Variants in HSD17B12 observed in about 807,000 individuals in gnomAD.
HSD17B12 encodes the protein hydroxysteroid 17-beta dehydrogenase 12.
A neutral mutation model predicts 39.3 loss-of-function variants in HSD17B12; 32 were observed. That is an observed-to-expected ratio of 0.81 (90% CI 0.61 to 1.09). HSD17B12 has a LOEUF of 1.09. Among genes scored for constraint, HSD17B12 ranks in the 50% least tolerant of loss-of-function variants. HSD17B12 has a pLI of 0.00. For synonymous variants in HSD17B12, 150 were observed against 146.7 expected (o/e 1.02, Z -0.16); for missense variants, 342 against 382.9 (o/e 0.89, Z 0.89).
At position 43,718,716 on chromosome 11, in the gene HSD17B12, A is replaced by G. The variant is rs1045339482; in HGVS notation, c.161-32195A>G. The G allele has an allele frequency of 2.7e-5, 32 of 1,194,838 alleles. 1 individual carries two copies. The South Asian group carries it at 3.8e-4, about 14-fold the overall frequency. 74.0% of individuals were successfully genotyped at this position (1,194,838 alleles called of 1,614,324 possible). A position where few individuals can be genotyped will look rare whatever the true frequency, so the allele number is the denominator to read the frequency against. ...AAGAAGGAAGCTCCTGCCCCTCCTA[A>G]AGCTGAAGCCAAAGCAAAGGCTTTA... On this transcript the variant is annotated intron_variant, in intron 1 of 10. Transcript: ENST00000278353.
chr11:43,609,488 C>A, the HSD17B12 span, among the ~76,000 whole-genome samples: 4 of 151,872 alleles, frequency 2.6e-5, no homozygotes, highest in Admixed American at 2.6e-4. Flanking sequence ...ATCTCAGCCT[C>A]CCAAGTAACT....
chr11:43,669,629 A>C, the HSD17B12 span, among the ~76,000 whole-genome samples: 1 of 152,088 alleles, frequency 6.6e-6, no homozygotes, highest in African/African-American at 2.4e-5. Flanking sequence ...GCCTCTTCCT[A>C]ACTTCTGGTG....
chr11:43,633,584 GCA>G, the HSD17B12 span, among the ~76,000 whole-genome samples: 1 of 151,926 alleles, frequency 6.6e-6, no homozygotes, highest in African/African-American at 2.4e-5. Context: ...CAACAACATA[GCA>G]CACATTTTAA....
At chr11:43,677,810 T>C (rs936537648), upstream of HSD17B12, among the ~76,000 whole-genome samples, 1 of 152,240 alleles carries the variant, frequency 6.6e-6, no homozygotes, top group East Asian at 1.9e-4. Flanking sequence ...CCATGGTGTA[T>C]ATGTGCCACT....
the HSD17B12 span, among the ~76,000 whole-genome samples, chr11:43,622,607 A>T: frequency 3.9e-5 from 6 of 152,152 alleles, no homozygotes; most frequent in Admixed American, 3.9e-4. Flanking sequence ...TAAAGAAAAG[A>T]ACTACAACTA....
chr11:43,783,065 A>G (rs1028557145), intron 3 of HSD17B12, among the ~76,000 whole-genome samples: 18 of 152,338 alleles, frequency 1.2e-4, no homozygotes, highest in Middle Eastern at 3.4e-3. Context: ...TAATCAATGT[A>G]TCAAGGATAT....
chr11:43,593,581 G>T, the HSD17B12 span, among the ~76,000 whole-genome samples: 1 of 152,124 alleles, frequency 6.6e-6, no homozygotes, highest in African/African-American at 2.4e-5. Flanking sequence ...CAATTCTCAA[G>T]CTTCTAAATC....
intron 1 of HSD17B12, among the ~76,000 whole-genome samples, chr11:43,703,018 T>C (rs1949980098): frequency 6.6e-6 from 1 of 152,124 alleles, no homozygotes; most frequent in Admixed American, 6.5e-5. Flanking sequence ...GTAGTTTTCC[T>C]TTTTTTGTTG....
chr11:43,830,096 G>A (rs146486625), intron 6 of HSD17B12: 1 of 152,218 alleles, frequency 6.6e-6, no homozygotes, highest in Non-Finnish European at 1.5e-5. Flanking sequence ...CTTCTCATCA[G>A]AATGCTGTCT....
At chr11:43,851,281 G>T (rs903931344) in intron 9 of HSD17B12, among the ~76,000 whole-genome samples, 2 of 152,112 alleles carry the variant, frequency 1.3e-5, no homozygotes, top group Non-Finnish European at 2.9e-5. Flanking sequence ...TGTTGAAATT[G>T]AGCAACTTGA....
intron 3 of HSD17B12, among the ~76,000 whole-genome samples, chr11:43,776,360 G>A (rs1950703667): frequency 6.6e-6 from 1 of 151,926 alleles, no homozygotes; most frequent in South Asian, 2.1e-4. Context: ...GGCCAGTGAT[G>A]GTGAGCATTT....
chr11:43,760,163 G>A (rs1052785356), intron 3 of HSD17B12, among the ~76,000 whole-genome samples: 6 of 152,104 alleles, frequency 3.9e-5, no homozygotes, highest in African/African-American at 1.4e-4. Context: ...CTGCCAAAGT[G>A]CTGGGATTAC....
Position 43,855,642 on chromosome 11 carries a change from T to C in HSD17B12, c.*394T>C, listed in dbSNP as rs1445396914. ...CTCTGAAACTGATTATAAAAACCAA[T>C]GTCCAGCTACTCTTTTGTTTTTGAC... On this transcript the variant is annotated 3_prime_UTR_variant, in exon 11 of 11. Coordinates refer to ENST00000278353, the MANE Select transcript of HSD17B12 (RefSeq NM_016142.3). 3.7e-5 allele frequency: 5 copies of C among 136,104 alleles called. No homozygotes were observed. In the East Asian group the frequency reaches 1.0e-3, roughly 28 times the overall value. The allele number at this position is 136,104 out of a possible 1,614,324, so 8.4% of individuals were successfully genotyped here. A position where few individuals can be genotyped will look rare whatever the true frequency, so the allele number is the denominator to read the frequency against.
the HSD17B12 span, among the ~76,000 whole-genome samples, chr11:43,622,923 T>C: frequency 2.0e-5 from 3 of 152,186 alleles, no homozygotes; most frequent in Non-Finnish European, 2.9e-5. Flanking sequence ...AACATAGCGA[T>C]GGCAACTACA....
intron 1 of HSD17B12, among the ~76,000 whole-genome samples, chr11:43,690,400 A>ATTTTTTT (rs1565049826): frequency 2.9e-4 from 8 of 27,158 alleles, no homozygotes; most frequent in East Asian, 9.8e-4. Context: ...ATATATATAT[A>ATTTTTTT]TATATTTTTT....
At position 43,760,094 on chromosome 11, in the gene HSD17B12, C is replaced by T. The variant is rs185735431; in HGVS notation, c.283+5973C>T. On this transcript the variant is annotated intron_variant, in intron 3 of 10. Transcript: ENST00000278353. ...GTATTTTTAGTAGAGATGGGGGTTTCACCATATTGGCTAGGCTGGTCTTGA... is the reference window on the plus strand; with the variant it reads ...GTATTTTTAGTAGAGATGGGGGTTTTACCATATTGGCTAGGCTGGTCTTGA... 2.6e-3 allele frequency among the ~76,000 whole-genome samples: 396 copies of T among 152,220 alleles called. 1 individual carries two copies. The highest frequency in any genetic ancestry group is 3.6e-3 in the Non-Finnish European group (244 of 67,996).
intron 4 of HSD17B12, among the ~76,000 whole-genome samples, chr11:43,813,512 T>G (rs1050302967): frequency 6.6e-6 from 1 of 150,742 alleles, no homozygotes; most frequent in African/African-American, 2.5e-5. Context: ...GAAGATTCTG[T>G]TATCTTAAAC....
At chr11:43,803,456 A>G (rs887720375) in intron 4 of HSD17B12, among the ~76,000 whole-genome samples, 6 of 152,232 alleles carry the variant, frequency 3.9e-5, no homozygotes, top group African/African-American at 1.4e-4. Context: ...CTAGGAATCC[A>G]TATTAAGTCA....
intron 1 of HSD17B12, among the ~76,000 whole-genome samples, chr11:43,697,744 T>C (rs1949925267): frequency 6.6e-6 from 1 of 152,186 alleles, no homozygotes; most frequent in East Asian, 1.9e-4. Context: ...TGAGACCATT[T>C]CAGGAAGTTT....
Sources: gnomAD v4.1 joint callset for allele counts (sites outside exome capture counted in the v4.1 genomes callset) on GRCh38, gnomAD v4.1.1 for gene constraint, MANE v1.5 for transcripts, NCBI Gene and HGNC (gene_info 2026-07-23, HGNC 2026-07-21) for gene names.